FYN: variants seen among roughly 807,000 people sequenced by gnomAD.
FYN encodes FYN proto-oncogene, Src family tyrosine kinase.
A neutral mutation model predicts 70.2 loss-of-function variants in FYN; 10 were observed. That is an observed-to-expected ratio of 0.14 (90% CI 0.09 to 0.24). FYN has a LOEUF of 0.24. Among genes scored for constraint, FYN ranks in the 10% least tolerant of loss-of-function variants. The pLI is 1.00. For missense variants in FYN, 319 were observed against 673.1 expected (o/e 0.47, Z 5.82); for synonymous variants, 236 against 248.6 (o/e 0.95, Z 0.48).
At chr6:111,787,551 C>T (rs2128510706) in intron 2 of FYN, among the ~76,000 whole-genome samples, 1 of 152,328 alleles carries the variant, frequency 6.6e-6, no homozygotes, top group Non-Finnish European at 1.5e-5. Context: ...ACCCCTGCTA[C>T]CAGGCAACTG....
Position 111,677,364 on chromosome 6 carries a change from C to G in FYN, c.1274-2734G>C, listed in dbSNP as rs73766703. ...TAACTGAGGTTTCTACTGAAAAGAG[C>G]TAATCCCTGCTTCCTCTTGGACACA... On this transcript the variant is annotated intron_variant, in intron 12 of 13. Coordinates refer to ENST00000354650, the MANE Select transcript of FYN (RefSeq NM_002037.5). 3.2e-3 allele frequency among the ~76,000 whole-genome samples: 484 copies of G among 152,326 alleles called. 5 individuals carry two copies. The highest frequency in any genetic ancestry group is 0.011 in the African/African-American group (471 of 41,572).
intron 2 of FYN, among the ~76,000 whole-genome samples, chr6:111,797,147 C>T (rs1056083606): frequency 5.9e-5 from 9 of 152,136 alleles, no homozygotes; most frequent in Admixed American, 1.3e-4. Flanking sequence ...ATAGATCATG[C>T]TGCATGTTAT....
chr6:111,703,082 G>C, intron 7 of FYN, 48 bp from the exon 8 acceptor site: 1 of 1,588,294 alleles, frequency 6.3e-7, no homozygotes, highest in Non-Finnish European at 8.6e-7. Flanking sequence ...TAGAGTATCA[G>C]CTTGCTTTTT....
At chr6:111,831,050 C>T (rs1421044988) in intron 2 of FYN, among the ~76,000 whole-genome samples, 2 of 152,064 alleles carry the variant, frequency 1.3e-5, no homozygotes, top group Non-Finnish European at 1.5e-5. Context: ...ATCAAGACCT[C>T]CTGAAATATC....
At chr6:111,719,586 C>G in intron 4 of FYN, 1 of 529,424 alleles carries the variant, frequency 1.9e-6, no homozygotes. Context: ...CCTCAGAAAG[C>G]AGCAACTTGG....
intron 2 of FYN, among the ~76,000 whole-genome samples, chr6:111,812,754 C>T (rs1562530501): frequency 1.3e-5 from 2 of 151,796 alleles, no homozygotes; most frequent in African/African-American, 2.4e-5. Context: ...GAGTTAGTCA[C>T]ATTTAACCAG....
intron 2 of FYN, chr6:111,814,031 C>G: frequency 6.6e-6 from 1 of 152,258 alleles, no homozygotes; most frequent in Non-Finnish European, 1.5e-5. Context: ...CGCCCTGGAA[C>G]CAGCACTAGC....
intron 3 of FYN, among the ~76,000 whole-genome samples, chr6:111,744,470 C>G (rs1158156489): frequency 6.6e-6 from 1 of 152,182 alleles, no homozygotes; most frequent in African/African-American, 2.4e-5. Flanking sequence ...ACTCTTCAGG[C>G]CTTAGGGAGG....
At chr6:111,764,043 C>A (rs552668156) in intron 3 of FYN, among the ~76,000 whole-genome samples, 1 of 151,844 alleles carries the variant, frequency 6.6e-6, no homozygotes, top group South Asian at 2.1e-4. Context: ...CAACAATTAT[C>A]CAGCTATAGG....
intron 2 of FYN, among the ~76,000 whole-genome samples, chr6:111,822,733 G>A (rs1188057772): frequency 2.6e-5 from 4 of 151,918 alleles, no homozygotes; most frequent in Non-Finnish European, 1.5e-5. Context: ...TAGAGGTAGA[G>A]GCTGCAAAGC....
chr6:111,781,683 C>G (rs1472660928), intron 2 of FYN, among the ~76,000 whole-genome samples: 1 of 152,180 alleles, frequency 6.6e-6, no homozygotes, highest in Non-Finnish European at 1.5e-5. Context: ...TTGTCAAGGG[C>G]AGGGGCTCTT....
At chr6:111,795,971 ATACT>A (rs1223180865) in intron 2 of FYN, among the ~76,000 whole-genome samples, 78 of 152,346 alleles carry the variant, frequency 5.1e-4, no homozygotes, top group Middle Eastern at 3.4e-3. Context: ...CATTTACTAA[ATACT>A]TACTGTGTGC....
At chr6:111,777,857 G>A (rs921375322) in intron 3 of FYN, among the ~76,000 whole-genome samples, 1 of 152,302 alleles carries the variant, frequency 6.6e-6, no homozygotes, top group South Asian at 2.1e-4. Context: ...TCAGACTGAG[G>A]GTGCCAGGAC....
At chr6:111,826,043 C>T (rs1454930373) in intron 2 of FYN, among the ~76,000 whole-genome samples, 3 of 152,168 alleles carry the variant, frequency 2.0e-5, no homozygotes, top group South Asian at 2.1e-4. Context: ...AAGCAGTAGA[C>T]AAGCAAGAGA....
chr6:111,683,718 G>C (rs1798869954), intron 12 of FYN, among the ~76,000 whole-genome samples: 1 of 93,554 alleles, frequency 1.1e-5, no homozygotes, highest in Non-Finnish European at 2.0e-5. Context: ...GTTACTCTGG[G>C]TAATAAAACA....
At chr6:111,808,089 T>C (rs950108919) in intron 2 of FYN, among the ~76,000 whole-genome samples, 1 of 151,880 alleles carries the variant, frequency 6.6e-6, no homozygotes, top group Non-Finnish European at 1.5e-5. Context: ...GCCTGGGCGA[T>C]AGAGCAACAC....
At chr6:111,665,608 T>A (rs1797960126) in intron 13 of FYN, among the ~76,000 whole-genome samples, 1 of 147,352 alleles carries the variant, frequency 6.8e-6, no homozygotes, top group Non-Finnish European at 1.5e-5. Context: ...GAGAGAGGAA[T>A]CCTTTTATTT....
intron 2 of FYN, among the ~76,000 whole-genome samples, chr6:111,814,827 G>A (rs1466048473): frequency 6.6e-6 from 1 of 152,154 alleles, no homozygotes; most frequent in Non-Finnish European, 1.5e-5. Context: ...TCTATATGGG[G>A]CAGAAATGCA....
intron 3 of FYN, among the ~76,000 whole-genome samples, chr6:111,753,366 T>C (rs1009147154): frequency 6.6e-6 from 1 of 152,164 alleles, no homozygotes; most frequent in African/African-American, 2.4e-5. Flanking sequence ...ATGAAGTGAA[T>C]TATAATATTT....
Sources: gnomAD v4.1 joint callset for allele counts (sites outside exome capture counted in the v4.1 genomes callset) on GRCh38, gnomAD v4.1.1 for gene constraint, MANE v1.5 for transcripts, NCBI Gene and HGNC (gene_info 2026-07-23, HGNC 2026-07-21) for gene names.